PLXNA4: variants seen among roughly 807,000 people sequenced by gnomAD.
The protein encoded by PLXNA4 is plexin A4, also known as plexin-A4.
Under a neutral mutation model 191.8 loss-of-function variants are expected in PLXNA4, and 44 were observed. That is an observed-to-expected ratio of 0.23 (90% CI 0.18 to 0.29). The LOEUF is 0.29. Among genes scored for constraint, PLXNA4 ranks in the 10% least tolerant of loss-of-function variants. The probability of loss-of-function intolerance (pLI) is 1.00; values close to 1 mark genes in which losing one functional copy is unlikely to be tolerated. For synonymous variants in PLXNA4, 1,082 were observed against 1,009.5 expected (o/e 1.07, Z -1.36); for missense variants, 1,800 against 2,488.8 (o/e 0.72, Z 5.89).
At chr7:132,277,559 G>A (rs1584936109) in intron 4 of PLXNA4, among the ~76,000 whole-genome samples, 1 of 152,184 alleles carries the variant, frequency 6.6e-6, no homozygotes, top group Non-Finnish European at 1.5e-5. Flanking sequence ...CAGATGGCAG[G>A]AGGAAAGCAG....
intron 3 of PLXNA4, among the ~76,000 whole-genome samples, chr7:132,340,590 GA>G (rs1217032153): frequency 1.3e-5 from 2 of 152,252 alleles, no homozygotes; most frequent in East Asian, 3.8e-4. Context: ...GCATAATGGA[GA>G]AGGGGAGGAC....
At chr7:132,638,011 C>A (rs1165520778) in intron 2 of PLXNA4, among the ~76,000 whole-genome samples, 1 of 152,244 alleles carries the variant, frequency 6.6e-6, no homozygotes, top group East Asian at 1.9e-4. Context: ...GCCCCACAGT[C>A]AGCTAGGCTC....
chr7:132,526,465 G>A (rs747861055), intron 1 of PLXNA4, among the ~76,000 whole-genome samples: 6 of 152,108 alleles, frequency 3.9e-5, no homozygotes, highest in South Asian at 2.1e-4. Context: ...TGAGTCTATC[G>A]GAACAAAGTG....
intron 3 of PLXNA4, among the ~76,000 whole-genome samples, chr7:132,455,455 G>A (rs1209661596): frequency 6.9e-6 from 1 of 144,014 alleles, no homozygotes; most frequent in African/African-American, 2.5e-5. Flanking sequence ...ACACACACAC[G>A]CAGAGTGAGG....
At chr7:132,173,557 A>G (rs1796357439) in intron 21 of PLXNA4, among the ~76,000 whole-genome samples, 1 of 152,184 alleles carries the variant, frequency 6.6e-6, no homozygotes, top group South Asian at 2.1e-4. Flanking sequence ...AACACACACA[A>G]GCCTATGCTT....
At chr7:132,613,664 T>A (rs12707048) in intron 2 of PLXNA4, among the ~76,000 whole-genome samples, 105,166 of 152,092 alleles carry the variant, frequency 0.69, 38,548 homozygotes, top group South Asian at 0.87. Context: ...CAAAGTAGCA[T>A]GTGTGATATT....
chr7:132,594,222 C>T (rs1204391804), intron 2 of PLXNA4, among the ~76,000 whole-genome samples: 1 of 152,164 alleles, frequency 6.6e-6, no homozygotes, highest in Non-Finnish European at 1.5e-5. Flanking sequence ...TGACCGGTGT[C>T]TTTATAAAAA....
intron 1 of PLXNA4, among the ~76,000 whole-genome samples, chr7:132,518,595 G>A (rs1419185177): frequency 2.6e-5 from 4 of 152,272 alleles, no homozygotes; most frequent in Admixed American, 6.5e-5. Context: ...GAGTCTTGGC[G>A]CCACCAGGCA....
At chr7:132,479,274 G>GA (rs11310613) in intron 3 of PLXNA4, among the ~76,000 whole-genome samples, 7,647 of 141,844 alleles carry the variant, frequency 0.054, 247 homozygotes, top group Middle Eastern at 0.077. Context: ...ATCTCTTTGG[G>GA]AAAAAAAAAA....
chr7:132,471,765 A>AC (rs1333635287), intron 3 of PLXNA4, among the ~76,000 whole-genome samples: 2 of 151,934 alleles, frequency 1.3e-5, no homozygotes, highest in African/African-American at 4.8e-5. Flanking sequence ...TTCCCCCTTC[A>AC]CCCACTTCCC....
intron 4 of PLXNA4, among the ~76,000 whole-genome samples, chr7:132,297,676 C>T (rs979382512): frequency 6.6e-6 from 1 of 152,186 alleles, no homozygotes; most frequent in Non-Finnish European, 1.5e-5. Flanking sequence ...GTTCCCTTAA[C>T]TACACTCTTT....
At chr7:132,447,382 T>C (rs1331435780) in intron 3 of PLXNA4, among the ~76,000 whole-genome samples, 1 of 152,164 alleles carries the variant, frequency 6.6e-6, no homozygotes, top group Non-Finnish European at 1.5e-5. Context: ...GTGGAAAATG[T>C]CCTGGGAGGT....
chr7:132,529,533 C>T (rs1799539832), intron 1 of PLXNA4, among the ~76,000 whole-genome samples: 1 of 152,160 alleles, frequency 6.6e-6, no homozygotes, highest in East Asian at 1.9e-4. Context: ...TTCAGCACCC[C>T]ACCCCCAGTA....
intron 1 of PLXNA4, among the ~76,000 whole-genome samples, chr7:132,531,725 A>C (rs1799621849): frequency 6.6e-6 from 1 of 152,226 alleles, no homozygotes. Flanking sequence ...TTCTTAACAA[A>C]GAGCAGTGGT....
intron 3 of PLXNA4, among the ~76,000 whole-genome samples, chr7:132,421,995 T>A (rs183044957): frequency 1.3e-5 from 2 of 152,312 alleles, no homozygotes; most frequent in East Asian, 3.9e-4. Context: ...CTCCCAACAA[T>A]GAGGTAATGT....
At chr7:132,491,087 G>A (rs922706377) in intron 2 of PLXNA4, among the ~76,000 whole-genome samples, 4 of 152,132 alleles carry the variant, frequency 2.6e-5, no homozygotes, top group African/African-American at 9.7e-5. Flanking sequence ...GGGCTATGTG[G>A]TCTCAGAAGA....
At chr7:132,200,165 A>G (rs1340226665) in intron 12 of PLXNA4, among the ~76,000 whole-genome samples, 2 of 152,164 alleles carry the variant, frequency 1.3e-5, no homozygotes, top group Non-Finnish European at 1.5e-5. Context: ...CAACACCAGT[A>G]TGGAGGCAGT....
intron 3 of PLXNA4, among the ~76,000 whole-genome samples, chr7:132,333,829 T>C (rs1212447346): frequency 2.0e-5 from 3 of 152,210 alleles, no homozygotes; most frequent in African/African-American, 7.2e-5. Flanking sequence ...TTATAAACAC[T>C]GCCAGCAACG....
chr7:132,584,245 T>A (rs907588296), intron 2 of PLXNA4, among the ~76,000 whole-genome samples: 2 of 152,232 alleles, frequency 1.3e-5, no homozygotes, highest in South Asian at 4.1e-4. Flanking sequence ...AATATTAATA[T>A]GGACTCTTTC....
Sources: allele counts gnomAD v4.1 joint callset (sites outside exome capture counted in the v4.1 genomes callset), GRCh38; gene constraint gnomAD v4.1.1; transcripts MANE v1.5; gene names NCBI Gene and HGNC (gene_info 2026-07-23, HGNC 2026-07-21).